RFX3: variants seen among roughly 807,000 people sequenced by gnomAD.
RFX3 encodes transcription factor RFX3.
A neutral mutation model predicts 98.6 loss-of-function variants in RFX3; 14 were observed. The ratio of observed to expected loss-of-function variants is 0.14; its 90% confidence interval spans 0.09 to 0.22. RFX3 has a LOEUF of 0.22. Ranked by LOEUF, RFX3 falls within the 10% of genes least tolerant of loss-of-function variation. The pLI is 1.00. For synonymous variants in RFX3, 383 were observed against 328.4 expected (o/e 1.17, Z -1.80); for missense variants, 639 against 926.9 (o/e 0.69, Z 4.03).
At chr9:3,317,977 A>G (rs1392893886) in intron 4 of RFX3, among the ~76,000 whole-genome samples, 1 of 152,196 alleles carries the variant, frequency 6.6e-6, no homozygotes, top group African/African-American at 2.4e-5. Context: ...TTCCTCAGGG[A>G]TCTAGAACTA....
chr9:3,270,396 G>C lies in RFX3; in HGVS notation c.1332C>G (p.Ile444Met). ...GMYQALVEIL[I>M]PDVLRPIPSA... ...TAGGAATAGGTCTAAGGACGTCGGGGATGAGAATCTCCACCAAAGCCTGGT... is the reference window on the plus strand; with the variant it reads ...TAGGAATAGGTCTAAGGACGTCGGGCATGAGAATCTCCACCAAAGCCTGGT... Residue 444 changes from isoleucine to methionine, a missense_variant, in exon 11 of 17, where the codon ATC becomes ATG. Transcript: ENST00000617270. The C allele has an allele frequency of 6.2e-7, 1 of 1,613,690 alleles. No individual in the cohort carries two copies. The highest frequency in any genetic ancestry group is 8.5e-7 in the Non-Finnish European group (1 of 1,179,768).
At chr9:3,492,546 C>A (rs1850801164) in intron 1 of RFX3, among the ~76,000 whole-genome samples, 3 of 152,194 alleles carry the variant, frequency 2.0e-5, no homozygotes, top group Admixed American at 2.0e-4. Context: ...TGACTATACT[C>A]CTCATGACAG....
intron 4 of RFX3, among the ~76,000 whole-genome samples, chr9:3,304,690 G>C (rs1368481672): frequency 6.6e-6 from 1 of 151,904 alleles, no homozygotes; most frequent in Non-Finnish European, 1.5e-5. Context: ...ATTCTCTCTT[G>C]CCTGCTGCCA....
intron 1 of RFX3, among the ~76,000 whole-genome samples, chr9:3,456,602 T>C (rs1449855267): frequency 6.6e-6 from 1 of 152,186 alleles, no homozygotes; most frequent in Non-Finnish European, 1.5e-5. Context: ...CTGACATCAA[T>C]TCATTCATCA....
At chr9:3,464,576 A>G (rs557012062) in intron 1 of RFX3, among the ~76,000 whole-genome samples, 10 of 152,316 alleles carry the variant, frequency 6.6e-5, no homozygotes, top group African/African-American at 2.4e-4. Flanking sequence ...TTGTAGTACT[A>G]TAAAGTAGAT....
rs530414891 is a variant in RFX3, at chr9:3,326,615, T to G, written c.474+3644A>C. Among the ~76,000 whole-genome samples the G allele has an allele frequency of 2.8e-4, 42 of 152,278 alleles. No individual in the cohort carries two copies. The South Asian group carries it at 4.8e-3, about 17-fold the overall frequency. Reference sequence around the variant, plus strand: ...GTTTTCTGTTCCTGCATTAGTTTGCTAAGGAAAATGGCCTCCAGCACCATC... The same window carrying G: ...GTTTTCTGTTCCTGCATTAGTTTGCGAAGGAAAATGGCCTCCAGCACCATC... On this transcript the variant is annotated intron_variant, in intron 4 of 16. Transcript: ENST00000617270.
intron 1 of RFX3, among the ~76,000 whole-genome samples, chr9:3,402,370 C>G (rs1020238538): frequency 6.6e-6 from 1 of 152,074 alleles, no homozygotes; most frequent in African/African-American, 2.4e-5. Flanking sequence ...AATTTCCTTC[C>G]TTTATCCTTA....
At chr9:3,293,910 A>G (rs575929514) in intron 5 of RFX3, among the ~76,000 whole-genome samples, 1 of 152,252 alleles carries the variant, frequency 6.6e-6, no homozygotes, top group African/African-American at 2.4e-5. Context: ...ATTTATTACA[A>G]CCATTTTAAT....
At chr9:3,310,563 G>T (rs1445849063) in intron 4 of RFX3, among the ~76,000 whole-genome samples, 1 of 152,016 alleles carries the variant, frequency 6.6e-6, no homozygotes, top group Non-Finnish European at 1.5e-5. Flanking sequence ...ATTTGAAAAT[G>T]GAATAGTACA....
intron 13 of RFX3, 132 bp from the exon 14 acceptor site, chr9:3,257,331 TA>T (rs1157861599): frequency 2.8e-6 from 2 of 708,896 alleles, no homozygotes; most frequent in African/African-American, 1.8e-5. Flanking sequence ...ATCCAGAAAA[TA>T]AAAAACTACT....
chr9:3,501,030 G>A (rs756010075), intron 1 of RFX3, among the ~76,000 whole-genome samples: 1 of 152,098 alleles, frequency 6.6e-6, no homozygotes, highest in Admixed American at 6.6e-5. Flanking sequence ...TATTCATTGG[G>A]TCCTTGTCTC....
chr9:3,421,145 A>G (rs778872352), intron 1 of RFX3, among the ~76,000 whole-genome samples: 1 of 152,212 alleles, frequency 6.6e-6, no homozygotes, highest in Non-Finnish European at 1.5e-5. Context: ...ACTGAGAATA[A>G]CTATCTAAGC....
At chr9:3,456,541 C>T (rs913106480) in intron 1 of RFX3, among the ~76,000 whole-genome samples, 6 of 150,824 alleles carry the variant, frequency 4.0e-5, no homozygotes, top group Non-Finnish European at 8.9e-5. Context: ...ATTAATAGAA[C>T]AAAGTGAAAA....
At position 3,408,465 on chromosome 9, in the gene RFX3, T is replaced by C. The variant is rs116115962; in HGVS notation, c.-8-12869A>G. On this transcript the variant is annotated intron_variant, in intron 1 of 16. Coordinates refer to ENST00000617270, the MANE Select transcript of RFX3 (RefSeq NM_001282116.2). ...TTCAGTCAAATGCTTATATAGAACA[T>C]ACTTTGTTACAAGGATCGGTCAAGC... Among the ~76,000 whole-genome samples the C allele has an allele frequency of 7.7e-3, 1,166 of 152,196 alleles. 13 individuals carry two copies. Among genetic ancestry groups the C allele is most frequent in the African/African-American group, 0.026 (1,088 of 41,514 alleles).
At chr9:3,257,251 A>C in intron 13 of RFX3, 52 bp from the exon 14 acceptor site, 8 of 1,475,688 alleles carry the variant, frequency 5.4e-6, no homozygotes, top group Non-Finnish European at 6.6e-6. Context: ...GCATCCTTTC[A>C]TTGAATGCCA....
At chr9:3,448,969 T>G (rs958947528) in intron 1 of RFX3, among the ~76,000 whole-genome samples, 2 of 152,200 alleles carry the variant, frequency 1.3e-5, no homozygotes, top group African/African-American at 2.4e-5. Context: ...TGCTACACCT[T>G]GTTGGTTTTG....
intron 2 of RFX3, among the ~76,000 whole-genome samples, chr9:3,389,334 G>C (rs182632562): frequency 6.6e-6 from 1 of 152,252 alleles, no homozygotes; most frequent in Admixed American, 6.5e-5. Context: ...AGGATGAGGA[G>C]AAGGAGCAAT....
chr9:3,514,440 GTGTTT>G (rs201784174), intron 1 of RFX3, among the ~76,000 whole-genome samples: 56 of 151,644 alleles, frequency 3.7e-4, no homozygotes, highest in South Asian at 1.2e-3. Flanking sequence ...TAACCAAGTT[GTGTTT>G]TGTTTTGTTT....
At chr9:3,368,251 A>G (rs1160532974) in intron 2 of RFX3, among the ~76,000 whole-genome samples, 1 of 152,212 alleles carries the variant, frequency 6.6e-6, no homozygotes, top group East Asian at 1.9e-4. Context: ...AAAAAAAGAT[A>G]TATTGAAAGA....
Sources: allele counts gnomAD v4.1 joint callset (sites outside exome capture counted in the v4.1 genomes callset), GRCh38; gene constraint gnomAD v4.1.1; transcripts MANE v1.5; gene names NCBI Gene and HGNC (gene_info 2026-07-23, HGNC 2026-07-21).